DIAPH3: variants seen among roughly 807,000 people sequenced by gnomAD.
DIAPH3 encodes diaphanous related formin 3.
DIAPH3 carries 117 observed loss-of-function variants against 144.3 expected under a neutral mutation model. That is an observed-to-expected ratio of 0.81 (90% CI 0.70 to 0.95). DIAPH3 has a LOEUF of 0.95. DIAPH3 is among the 40% of genes least tolerant of loss of function. The pLI, the probability that DIAPH3 is intolerant of heterozygous loss-of-function variation, is 0.00. For missense variants in DIAPH3, 1,421 were observed against 1,412.7 expected, an observed-to-expected ratio of 1.01 and a Z score of -0.09; for synonymous variants, 519 against 488.9, an observed-to-expected ratio of 1.06 and a Z score of -0.81.
chr13:59,745,673 A>T (rs2036665678), intron 27 of DIAPH3, among the ~76,000 whole-genome samples: 1 of 152,198 alleles, frequency 6.6e-6, no homozygotes, highest in South Asian at 2.1e-4. Flanking sequence ...ACAATGTATT[A>T]TACTAGCTAG....
rs748676812 is a variant in DIAPH3 at position 60,163,760 on chromosome 13, G to T, written c.7C>A (p.Arg3=). The change falls in exon 1 of 28, where the codon CGG becomes AGG. Residue 3 remains arginine, a synonymous_variant. Transcript: ENST00000400324. ME[R]HQPRLHHPAQ... The stretch of plus-strand genomic sequence containing the variant: ...GGGTGGTGCAGCCGCGGCTGGTGCC[G>T]TTCCATCTTTCCCCGCAGCTCCGGG... The T allele has an allele frequency of 1.2e-5, 19 of 1,584,996 alleles. No individual in the cohort carries two copies. The East Asian group carries it at 1.8e-4, about 15-fold the overall frequency.
At position 59,974,381 on chromosome 13, in the gene DIAPH3, G is replaced by T. The variant is rs761438053; in HGVS notation, c.1621C>A (p.Gln541Lys). The T allele has an allele frequency of 1.9e-6, 3 of 1,612,062 alleles. No homozygotes were observed. The South Asian group carries it at 3.3e-5, about 18-fold the overall frequency. Residue 541 changes from glutamine to lysine, a missense_variant, in exon 15 of 28, where the codon CAA (glutamine) becomes AAA (lysine). Transcript: ENST00000400324. Reference sequence around the variant, plus strand: ...GACTTAAAAGCTTGTAGCTCTGCTTGAAGCTCATTAATCTTTGCCTCTTTT... The same window carrying T: ...GACTTAAAAGCTTGTAGCTCTGCTTTAAGCTCATTAATCTTTGCCTCTTTT... ...QKKEAKINEL[Q>K]AELQAFKSQF...
intron 27 of DIAPH3, among the ~76,000 whole-genome samples, chr13:59,723,938 T>C (rs1414402287): frequency 6.8e-6 from 1 of 146,858 alleles, no homozygotes; most frequent in African/African-American, 2.5e-5. Flanking sequence ...ATCTATCTGT[T>C]CACCTCAATG....
At chr13:60,010,447 T>C in intron 8 of DIAPH3, 86 bp downstream of exon 8, 1 of 1,325,918 alleles carries the variant, frequency 7.5e-7, no homozygotes, top group Non-Finnish European at 1.0e-6. Flanking sequence ...TAGTAAATTC[T>C]AGCCTAGAGT....
chr13:59,796,429 T>C (rs950618551), intron 25 of DIAPH3, among the ~76,000 whole-genome samples: 3 of 152,168 alleles, frequency 2.0e-5, no homozygotes, highest in African/African-American at 7.2e-5. Flanking sequence ...GATTGAGTAT[T>C]TGTCAGGGAA....
intron 4 of DIAPH3, among the ~76,000 whole-genome samples, chr13:60,066,427 T>G (rs1160026607): frequency 6.6e-6 from 1 of 152,196 alleles, no homozygotes; most frequent in Non-Finnish European, 1.5e-5. Flanking sequence ...TGCTGGTAAA[T>G]GTTTAACAAC....
At chr13:59,697,234 C>A (rs1485487917) in intron 27 of DIAPH3, among the ~76,000 whole-genome samples, 2 of 151,196 alleles carry the variant, frequency 1.3e-5, no homozygotes, top group Non-Finnish European at 1.5e-5. Context: ...CCGAGGCGGG[C>A]GGATCACGAG....
At position 59,955,773 on chromosome 13, in the gene DIAPH3, A is replaced by T. The variant is rs2049366968; in HGVS notation, c.2074+14171T>A. Among the ~76,000 whole-genome samples the T allele has an allele frequency of 4.6e-5, 7 of 152,326 alleles. No homozygotes were observed. In the South Asian group the frequency reaches 1.5e-3, roughly 32 times the overall value. Reference sequence around the variant, plus strand: ...TCCTAGAGACTTGTTGAATGGTTTTAACCAAAATGCTGACAGTAATATTGA... The same window carrying T: ...TCCTAGAGACTTGTTGAATGGTTTTTACCAAAATGCTGACAGTAATATTGA... On this transcript the variant is annotated intron_variant, in intron 17 of 27. Transcript: ENST00000400324.
chr13:60,119,432 T>C (rs1281204208), intron 2 of DIAPH3, among the ~76,000 whole-genome samples: 2 of 152,152 alleles, frequency 1.3e-5, no homozygotes, highest in African/African-American at 2.4e-5. Flanking sequence ...ACCAAATTCC[T>C]GACACACAGA....
intron 20 of DIAPH3, among the ~76,000 whole-genome samples, chr13:59,898,106 G>A (rs1236898053): frequency 8.4e-6 from 1 of 118,402 alleles, no homozygotes; most frequent in Non-Finnish European, 1.6e-5. Flanking sequence ...CTGAACTCCA[G>A]CCTGGGTGAC....
chr13:60,108,964 A>G (rs1318229684), intron 3 of DIAPH3, among the ~76,000 whole-genome samples: 1 of 152,134 alleles, frequency 6.6e-6, no homozygotes, highest in African/African-American at 2.4e-5. Context: ...AGCATCTTTT[A>G]GAGAGCTGGA....
At position 59,756,438 on chromosome 13, in the gene DIAPH3, AAGGAAAGAAG is replaced by A. The variant is rs1372394170; in HGVS notation, c.3319+17741_3319+17750del. 7.1e-3 allele frequency among the ~76,000 whole-genome samples: 952 copies of A among 135,012 alleles called. 14 individuals are homozygous for A. The highest frequency in any genetic ancestry group is 0.026 in the African/African-American group (897 of 35,050). The allele number at this position is 135,012 out of a possible 152,430, so 88.6% of individuals were successfully genotyped here. A position where few individuals can be genotyped will look rare whatever the true frequency, so the allele number is the denominator to read the frequency against. On this transcript the variant is annotated intron_variant, in intron 27 of 27. Coordinates refer to ENST00000400324, the MANE Select transcript of DIAPH3 (RefSeq NM_001042517.2). Reference sequence around the variant, plus strand: ...GAAGGAAGGAAGGAAGGAAGGAAGGAAGGAAAGAAGGAAGGAAGGAAGGAAGGAAAGAAGG... The same window carrying A: ...GAAGGAAGGAAGGAAGGAAGGAAGGAGAAGGAAGGAAGGAAGGAAAGAAGG...
intron 27 of DIAPH3, among the ~76,000 whole-genome samples, chr13:59,759,210 G>C (rs1390011360): frequency 6.6e-6 from 1 of 152,084 alleles, no homozygotes; most frequent in Non-Finnish European, 1.5e-5. Flanking sequence ...GTTATAGATA[G>C]AACTGGAGAT....
chr13:59,752,328 A>G (rs984269586), intron 27 of DIAPH3, among the ~76,000 whole-genome samples: 2 of 151,952 alleles, frequency 1.3e-5, no homozygotes, highest in Non-Finnish European at 2.9e-5. Flanking sequence ...CTTCAGCTAC[A>G]TTATTAGTAT....
intron 24 of DIAPH3, among the ~76,000 whole-genome samples, chr13:59,816,399 CA>C (rs1368677896): frequency 6.6e-6 from 1 of 151,550 alleles, no homozygotes; most frequent in Admixed American, 6.6e-5. Context: ...GGAACTTATC[CA>C]TTTCATTTAC....
intron 4 of DIAPH3, among the ~76,000 whole-genome samples, chr13:60,054,327 C>T (rs2056475565): frequency 6.6e-6 from 1 of 151,908 alleles, no homozygotes; most frequent in African/African-American, 2.4e-5. Context: ...GATCCTTCTC[C>T]ATAACATTTA....
chr13:59,851,724 G>A (rs1436324036), intron 22 of DIAPH3, among the ~76,000 whole-genome samples: 1 of 148,614 alleles, frequency 6.7e-6, no homozygotes, highest in Non-Finnish European at 1.5e-5. Context: ...CCGGGTCCAA[G>A]TGATTCTCCT....
At chr13:59,797,749 T>TA (rs1345762829) in intron 25 of DIAPH3, among the ~76,000 whole-genome samples, 1 of 152,116 alleles carries the variant, frequency 6.6e-6, no homozygotes, top group East Asian at 1.9e-4. Flanking sequence ...TCCATTGCCC[T>TA]ACCTGAACCC....
intron 4 of DIAPH3, among the ~76,000 whole-genome samples, chr13:60,076,441 C>T (rs1234582463): frequency 6.6e-6 from 1 of 152,162 alleles, no homozygotes; most frequent in African/African-American, 2.4e-5. Flanking sequence ...AGTCTCTTTT[C>T]ATGGCTGTGT....
Sources: allele counts gnomAD v4.1 joint callset (sites outside exome capture counted in the v4.1 genomes callset), GRCh38; gene constraint gnomAD v4.1.1; transcripts MANE v1.5; gene names NCBI Gene and HGNC (gene_info 2026-07-23, HGNC 2026-07-21).